The following EIF2D variants were observed in gnomAD, a reference collection of about 807,000 sequenced individuals.
EIF2D encodes the protein hepatocellular carcinoma-associated antigen 56.
In EIF2D, 56 loss-of-function variants were observed where a neutral mutation model predicts 77.4. The ratio of observed to expected loss-of-function variants is 0.72; its 90% confidence interval spans 0.58 to 0.90. The LOEUF is 0.90. Among genes scored for constraint, EIF2D ranks in the 40% least tolerant of loss-of-function variants. The pLI, the probability that EIF2D is intolerant of heterozygous loss-of-function variation, is 0.00. For synonymous variants in EIF2D, 230 were observed against 271.0 expected, an observed-to-expected ratio of 0.85 and a Z score of 1.49; for missense variants, 574 against 706.5, an observed-to-expected ratio of 0.81 and a Z score of 2.13.
intron 8 of EIF2D, 92 bp downstream of exon 8, chr1:206,600,171 T>C: frequency 7.7e-7 from 1 of 1,296,992 alleles, no homozygotes; most frequent in South Asian, 1.3e-5. Flanking sequence ...CTGAGCCTGG[T>C]AGACAAGGCT....
At chr1:206,594,028 C>T (rs1261208476) in intron 13 of EIF2D, 1 of 355,908 alleles carries the variant, frequency 2.8e-6, no homozygotes, top group Admixed American at 4.5e-5. Flanking sequence ...CTCTCTGTAT[C>T]ACACAGAATG....
chr1:206,569,871 A>G (rs1668392799), downstream of EIF2D, among the ~76,000 whole-genome samples: 1 of 152,040 alleles, frequency 6.6e-6, no homozygotes, highest in Non-Finnish European at 1.5e-5. Context: ...GCCTAGTCCT[A>G]GGAAAAGAGC....
intron 11 of EIF2D, among the ~76,000 whole-genome samples, chr1:206,597,773 C>T (rs554316395): frequency 7.9e-5 from 12 of 152,080 alleles, no homozygotes; most frequent in African/African-American, 1.4e-4. Flanking sequence ...GGTGAAACCC[C>T]GTCTCTACTA....
At chr1:206,609,777 G>C (rs1572416106) in intron 2 of EIF2D, among the ~76,000 whole-genome samples, 1 of 152,286 alleles carries the variant, frequency 6.6e-6, no homozygotes, top group Middle Eastern at 3.4e-3. Context: ...CCTAAGAACA[G>C]GAAGCCAGCT....
intron 4 of EIF2D, among the ~76,000 whole-genome samples, chr1:206,573,815 C>G (rs1668538651): frequency 6.6e-6 from 1 of 152,164 alleles, no homozygotes; most frequent in Non-Finnish European, 1.5e-5. Flanking sequence ...TGAGACCAGC[C>G]TGGGCAATAT....
chr1:206,611,671 T>G (rs1670503328), intron 1 of EIF2D, among the ~76,000 whole-genome samples: 1 of 152,372 alleles, frequency 6.6e-6, no homozygotes, highest in Non-Finnish European at 1.5e-5. Flanking sequence ...CCTGACTTCA[T>G]GCCTAGCCCT....
At chr1:206,610,713 C>T (rs1362946061) in intron 2 of EIF2D, among the ~76,000 whole-genome samples, 3 of 152,056 alleles carry the variant, frequency 2.0e-5, no homozygotes, top group Non-Finnish European at 2.9e-5. Flanking sequence ...TCCTGCTACT[C>T]GGGAGGCTGA....
In EIF2D at chr1:206,608,372, C is replaced by T. The variant is rs199850161; in HGVS notation, c.332-46G>A. 1.2e-3 allele frequency: 1,887 copies of T among 1,522,624 alleles called. 4 individuals are homozygous for T. The highest frequency in any genetic ancestry group is 2.6e-3 in the Middle Eastern group (15 of 5,840). 94.3% of individuals were successfully genotyped at this position (1,522,624 alleles called of 1,614,324 possible). ...CACAACCTGCATTCAGCCTCCATCTCACTCTGCGTTTTACTTCATCATTTC... is the reference window on the plus strand; with the variant it reads ...CACAACCTGCATTCAGCCTCCATCTTACTCTGCGTTTTACTTCATCATTTC... On this transcript the variant is annotated intron_variant, in intron 3 of 14. Coordinates refer to ENST00000271764, the MANE Select transcript of EIF2D (RefSeq NM_006893.3).
chr1:206,609,630 G>A (rs1468211049), intron 2 of EIF2D, among the ~76,000 whole-genome samples, 171 bp from the exon 3 acceptor site: 5 of 152,166 alleles, frequency 3.3e-5, no homozygotes, highest in African/African-American at 4.8e-5. Context: ...TTTGAGGAAG[G>A]AAAAAACCTA....
Position 206,609,376 on chromosome 1 carries a change from C to CT in EIF2D, c.330dup (p.Asp111ArgfsTer45), listed in dbSNP as rs1670360078. The CT allele has an allele frequency of 6.2e-7, 1 of 1,613,970 alleles. No individual in the cohort carries two copies. The highest frequency in any genetic ancestry group is 2.2e-5 in the East Asian group (1 of 44,880). On this transcript the variant is annotated frameshift_variant and splice_region_variant, in exon 3 of 15. Transcript: ENST00000271764. LOFTEE classifies it high-confidence loss of function. ...CCAGAATATAGGAGAATCCTCTTAC[C>CT]TGCTCCCCCTACCAGTTTCTCGAGC...
rs1669807181 is a variant in EIF2D at position 206,599,345 on chromosome 1, A to C, written c.1202+118T>G. 1 of 1,341,836 alleles carries C rather than the reference A, an allele frequency of 7.5e-7. No individual in the cohort carries two copies. Among genetic ancestry groups the C allele is most frequent in the Admixed American group, 2.1e-5 (1 of 47,070 alleles). 83.1% of individuals were successfully genotyped at this position (1,341,836 alleles called of 1,614,324 possible). On this transcript the variant is annotated intron_variant, in intron 10 of 14. Coordinates refer to ENST00000271764, the MANE Select transcript of EIF2D (RefSeq NM_006893.3). The surrounding 1 kb of genome is among the most constrained non-coding windows in gnomAD (Gnocchi z 4.1). ...AAGGCTGGAAGCTGGATTTTGGAGA[A>C]GGGGAGAACAGGGGCAGAGCAGGTT...
At chr1:206,597,590 G>A (rs1420909706) in intron 11 of EIF2D, among the ~76,000 whole-genome samples, 1 of 152,180 alleles carries the variant, frequency 6.6e-6, no homozygotes, top group African/African-American at 2.4e-5. Context: ...GCTGAGGCGG[G>A]AGGATCACCT....
intron 6 of EIF2D, 104 bp downstream of exon 6, chr1:206,602,847 C>T (rs549658015): frequency 6.7e-6 from 10 of 1,488,040 alleles, no homozygotes; most frequent in Admixed American, 4.6e-5. Flanking sequence ...TTCCCCTCCT[C>T]CCCCGGAAGC....
chr1:206,585,170 T>A (rs1553407338), intron 2 of EIF2D: 2 of 1,604,068 alleles, frequency 1.2e-6, no homozygotes, highest in East Asian at 4.5e-5. Flanking sequence ...CACCCTCTCT[T>A]GGTTTGCAGT....
chr1:206,591,267 C>T (rs80240992), downstream of EIF2D, among the ~76,000 whole-genome samples: 1,972 of 152,322 alleles, frequency 0.013, 37 homozygotes, highest in African/African-American at 0.044. Context: ...TATACTGTTT[C>T]TGATTTCTAT....
In EIF2D at chr1:206,584,818, G is replaced by A. The variant is rs943726754; in HGVS notation, c.139-3656C>T. The A allele has an allele frequency of 3.2e-6, 3 of 938,846 alleles. No homozygotes were observed. The highest frequency in any genetic ancestry group is 4.8e-6 in the Non-Finnish European group (3 of 619,882). 58.2% of individuals were successfully genotyped at this position (938,846 alleles called of 1,614,324 possible). A position where few individuals can be genotyped will look rare whatever the true frequency, so the allele number is the denominator to read the frequency against. On this transcript the variant is annotated intron_variant and NMD_transcript_variant, in intron 2 of 5. Coordinates refer to the EIF2D transcript ENST00000472709. The surrounding 1 kb of genome is among the most constrained non-coding windows in gnomAD (Gnocchi z 4.9). ...CACCAGGGGTCCAGCTGCCCATGTG[G>A]TGTTCAGATCTGTGGAATCCGGGCA...
At chr1:206,593,885 CCT>C in intron 13 of EIF2D, 92 bp from the exon 14 acceptor site, 4 of 1,167,410 alleles carry the variant, frequency 3.4e-6, no homozygotes, top group Non-Finnish European at 4.8e-6. Flanking sequence ...CTTCTGAGCC[CCT>C]GTGTTCTCTG....
Position 206,584,360 on chromosome 1 carries a change from C to T in EIF2D, c.139-3198G>A, listed in dbSNP as rs781893862. ...GATCATGCAAGGCGGACGGCCCTGACCCCCTGTGACATGCCCCCGCTGGCA... is the reference window on the plus strand; with the variant it reads ...GATCATGCAAGGCGGACGGCCCTGATCCCCTGTGACATGCCCCCGCTGGCA... On this transcript the variant is annotated intron_variant and NMD_transcript_variant, in intron 2 of 5. Coordinates refer to the EIF2D transcript ENST00000472709. This position sits in a 1 kb window ranked among gnomAD's most constrained non-coding sequence, Gnocchi z 4.9. 6 of 1,590,674 alleles carry T rather than the reference C, an allele frequency of 3.8e-6. No homozygotes were observed. Among genetic ancestry groups the T allele is most frequent in the Non-Finnish European group, 5.1e-6 (6 of 1,167,480 alleles).
Position 206,597,197 on chromosome 1 carries a change from T to C in EIF2D, c.1293-2A>G, listed in dbSNP as rs1669692876. Reference sequence around the variant, plus strand: ...AGGATGGGATCCAATCTCACAAGACTAAAGGGAAAGAAGAGGCAATGAAGA... The same window carrying C: ...AGGATGGGATCCAATCTCACAAGACCAAAGGGAAAGAAGAGGCAATGAAGA... On this transcript the variant is annotated splice_acceptor_variant, in intron 11 of 14. Transcript: ENST00000271764. LOFTEE classifies it high-confidence loss of function. The C allele has an allele frequency of 6.2e-7, 1 of 1,610,864 alleles. No homozygotes were observed. Among genetic ancestry groups the C allele is most frequent in the Non-Finnish European group, 8.5e-7 (1 of 1,177,296 alleles).
Sources: gnomAD v4.1 joint callset for allele counts (sites outside exome capture counted in the v4.1 genomes callset) on GRCh38, gnomAD v4.1.1 for gene constraint, Gnocchi (gnomAD v3.1) non-coding constraint, MANE v1.5 for transcripts, NCBI Gene and HGNC (gene_info 2026-07-23, HGNC 2026-07-21) for gene names.